Variants in KNDC1 observed in about 807,000 individuals in gnomAD.
KNDC1 encodes kinase non-catalytic C-lobe domain containing 1.
KNDC1 carries 106 observed loss-of-function variants against 172.8 expected under a neutral mutation model. The observed-to-expected ratio is 0.61, with a 90% CI of 0.52 to 0.72. The LOEUF is 0.72. Among genes scored for constraint, KNDC1 ranks in the 30% least tolerant of loss-of-function variants. The pLI, the probability that KNDC1 is intolerant of heterozygous loss-of-function variation, is 0.00. For missense variants in KNDC1, 2,325 were observed against 2,394.5 expected (o/e 0.97, Z 0.61); for synonymous variants, 1,083 against 1,062.2 (o/e 1.02, Z -0.38).
At chr10:133,182,750 G>A (rs1482287038) in intron 3 of KNDC1, among the ~76,000 whole-genome samples, 2 of 152,286 alleles carry the variant, frequency 1.3e-5, no homozygotes, top group African/African-American at 4.8e-5. Flanking sequence ...GGCCAGAGGA[G>A]TCTGTGTCCC....
At chr10:133,213,910 CAG>C (rs1302906335) in intron 25 of KNDC1, 60 bp from the exon 26 acceptor site, 1 of 1,598,960 alleles carries the variant, frequency 6.3e-7, no homozygotes, top group Non-Finnish European at 8.6e-7. Flanking sequence ...CCAGCAGCCC[CAG>C]GGCCGGGCAG....
chr10:133,186,042 G>A lies in KNDC1; in HGVS notation c.694G>A (p.Asp232Asn), dbSNP rs200080608. ...CGCTGGGCCCAGGAGGCCGCCCGGG[G>A]ACCCCAGCACTGACCCGGAGGTTCT... ...GNAGPRRPPGDPSTDPEVLPT... is the reference protein window; with the variant it reads ...GNAGPRRPPGNPSTDPEVLPT... The change falls in exon 6 of 30, where the codon GAC becomes AAC. Residue 232 changes from aspartate (D) to asparagine (N), a missense_variant. By Grantham distance (23) the Asp-to-Asn change is conservative (BLOSUM62 1). Coordinates refer to ENST00000304613, the MANE Select transcript of KNDC1 (RefSeq NM_152643.8). The A allele has an allele frequency of 2.1e-5, 33 of 1,598,796 alleles. No individual in the cohort carries two copies. In the African/African-American group the frequency reaches 3.2e-4, roughly 16 times the overall value.
At chr10:133,207,394 C>T (rs779491833) in intron 20 of KNDC1, 43 bp downstream of exon 20, 1 of 1,579,366 alleles carries the variant, frequency 6.3e-7, no homozygotes, top group Non-Finnish European at 8.7e-7. Context: ...AGACGTAGCC[C>T]GGGGTGCTGA....
chr10:133,220,730 G>A (rs1845568442), intron 29 of KNDC1, among the ~76,000 whole-genome samples: 1 of 90,312 alleles, frequency 1.1e-5, no homozygotes, highest in African/African-American at 4.1e-5. Flanking sequence ...GGAGAGGAGG[G>A]GCTCAGGCGG....
chr10:133,182,733 A>G (rs1375538844), intron 3 of KNDC1, among the ~76,000 whole-genome samples: 1 of 152,208 alleles, frequency 6.6e-6, no homozygotes, highest in Non-Finnish European at 1.5e-5. Context: ...TGACCTAAAC[A>G]CTGAAAGGCC....
chr10:133,168,211 G>C, intron 2 of KNDC1, 43 bp from the exon 3 acceptor site: 3 of 1,582,388 alleles, frequency 1.9e-6, no homozygotes, highest in Non-Finnish European at 2.6e-6. Context: ...AGGTTTGCAG[G>C]TGTGACCAGA....
At chr10:133,217,726 A>C (rs896800456) in intron 26 of KNDC1, among the ~76,000 whole-genome samples, 11 of 152,092 alleles carry the variant, frequency 7.2e-5, no homozygotes, top group Non-Finnish European at 1.2e-4. Flanking sequence ...TGGGAGTCCA[A>C]GGCGGGTGGA....
At chr10:133,188,144 C>T (rs1278124093) in intron 6 of KNDC1, among the ~76,000 whole-genome samples, 1 of 152,210 alleles carries the variant, frequency 6.6e-6, no homozygotes, top group African/African-American at 2.4e-5. Flanking sequence ...TGCCTGGGTG[C>T]TCCCCGTGTT....
intron 23 of KNDC1, among the ~76,000 whole-genome samples, chr10:133,212,114 A>G (rs1177115893): frequency 2.6e-5 from 4 of 151,212 alleles, no homozygotes; most frequent in Non-Finnish European, 5.9e-5. Context: ...TGCACACTCA[A>G]TCCACACGTG....
chr10:133,160,872 G>A (rs1852943475), intron 1 of KNDC1, among the ~76,000 whole-genome samples: 2 of 152,124 alleles, frequency 1.3e-5, no homozygotes, highest in African/African-American at 2.4e-5. Flanking sequence ...AGGGGGGTCT[G>A]CTTACTCCCT....
At chr10:133,195,527 G>A (rs1854164648) in intron 9 of KNDC1, 136 bp from the exon 10 acceptor site, 9 of 773,114 alleles carry the variant, frequency 1.2e-5, no homozygotes, top group East Asian at 6.7e-5. Context: ...GATAGATGCT[G>A]AGGAGGGGTC....
At chr10:133,219,606 G>A (rs1462249158) in intron 28 of KNDC1, among the ~76,000 whole-genome samples, 1 of 152,206 alleles carries the variant, frequency 6.6e-6, no homozygotes, top group Admixed American at 6.5e-5. Flanking sequence ...ACGCAGACAC[G>A]GGGCCCTGCT....
intron 4 of KNDC1, 152 bp downstream of exon 4, chr10:133,183,642 T>G (rs926283278): frequency 9.7e-7 from 1 of 1,026,202 alleles, no homozygotes. Flanking sequence ...GAGGACTTGG[T>G]TTTTTATTGT....
intron 29 of KNDC1, among the ~76,000 whole-genome samples, chr10:133,220,824 G>A (rs995981733): frequency 4.0e-5 from 6 of 151,620 alleles, no homozygotes; most frequent in Non-Finnish European, 7.4e-5. Flanking sequence ...CAGGTCAGGA[G>A]GGGCTCAGGT....
At position 133,175,900 on chromosome 10, in the gene KNDC1, G is replaced by A. The variant is rs1444435804; in HGVS notation, c.361-7444G>A. The stretch of plus-strand genomic sequence containing the variant: ...TGGATGGGTGGGTGAATGGATGGGT[G>A]GATGGATGGATGGATGGGTGGGTGA... On this transcript the variant is annotated intron_variant, in intron 3 of 29. Coordinates refer to ENST00000304613, the MANE Select transcript of KNDC1 (RefSeq NM_152643.8). Among the ~76,000 whole-genome samples, 3 of 150,976 alleles carry A rather than the reference G, an allele frequency of 2.0e-5. No individual in the cohort carries two copies. In the South Asian group the frequency reaches 6.3e-4, roughly 32 times the overall value.
At position 133,198,772 on chromosome 10, in the gene KNDC1, C is replaced by T. The variant is rs1854272137; in HGVS notation, c.2264C>T (p.Ala755Val). 1 of 1,585,118 alleles carries T rather than the reference C, an allele frequency of 6.3e-7. No individual in the cohort carries two copies. The highest frequency in any genetic ancestry group is 8.6e-7 in the Non-Finnish European group (1 of 1,166,062). ...GGGGCGTCAGTGCAGCGTGACTCAG[C>T]CCAGGGCCGCCCCTGCCCTCCACCC... The part of the protein sequence containing the change: ...PLGASVQRDS[A>V]QGRPCPPPQA... Residue 755 changes from alanine to valine, a missense_variant, in exon 14 of 30, where the codon GCC (alanine) becomes GTC (valine). Transcript: ENST00000304613.
chr10:133,184,112 GCA>G lies in KNDC1; in HGVS notation c.625+131_625+132del, dbSNP rs1339715604. On this transcript the variant is annotated intron_variant, in intron 5 of 29. Coordinates refer to ENST00000304613, the MANE Select transcript of KNDC1 (RefSeq NM_152643.8). The stretch of plus-strand genomic sequence containing the variant: ...CACACACTGCACACACACCCATACT[GCA>G]CACACACCCATGCACACACATGCCA... The G allele has an allele frequency of 4.9e-5, 25 of 507,316 alleles. 1 individual carries two copies. Among genetic ancestry groups the G allele is most frequent in the African/African-American group, 1.3e-4 (6 of 46,134 alleles). 31.4% of individuals were successfully genotyped at this position (507,316 alleles called of 1,614,324 possible). A position where few individuals can be genotyped will look rare whatever the true frequency, so the allele number is the denominator to read the frequency against.
intron 1 of KNDC1, among the ~76,000 whole-genome samples, chr10:133,161,507 G>C (rs1301931645): frequency 1.3e-5 from 2 of 152,152 alleles, no homozygotes; most frequent in African/African-American, 4.8e-5. Flanking sequence ...TGCTGCCCCA[G>C]GGGAGTGGGC....
At chr10:133,205,951 G>A (rs1016091785) in intron 17 of KNDC1, among the ~76,000 whole-genome samples, 4 of 152,060 alleles carry the variant, frequency 2.6e-5, no homozygotes, top group African/African-American at 7.2e-5. Context: ...CTGTAATCCC[G>A]GCACTCTGGG....
Sources: gnomAD v4.1 joint callset for allele counts (sites outside exome capture counted in the v4.1 genomes callset) on GRCh38, gnomAD v4.1.1 for gene constraint, MANE v1.5 for transcripts, NCBI Gene and HGNC (gene_info 2026-07-23, HGNC 2026-07-21) for gene names.